CACNA2D3: variants seen among roughly 807,000 people sequenced by gnomAD.
The protein encoded by CACNA2D3 is calcium voltage-gated channel auxiliary subunit alpha2delta 3, also known as voltage-dependent calcium channel subunit alpha-2/delta-3.
Under a neutral mutation model 160.6 loss-of-function variants are expected in CACNA2D3, and 60 were observed. The observed-to-expected ratio is 0.37, with a 90% CI of 0.30 to 0.46. CACNA2D3 has a LOEUF of 0.46. Ranked by LOEUF, CACNA2D3 falls within the 20% of genes least tolerant of loss-of-function variation. The pLI, the probability that CACNA2D3 is intolerant of heterozygous loss-of-function variation, is 1.00. For synonymous variants in CACNA2D3, 558 were observed against 492.9 expected (o/e 1.13, Z -1.75); for missense variants, 1,205 against 1,365.0 (o/e 0.88, Z 1.85).
intron 18 of CACNA2D3, chr3:54,875,147 G>A (rs1306318493): frequency 1.3e-5 from 2 of 152,078 alleles, no homozygotes; most frequent in African/African-American, 2.4e-5. Flanking sequence ...TGAGACCTTA[G>A]TCCATTTATT....
chr3:54,780,551 T>C (rs1017809309), intron 13 of CACNA2D3, among the ~76,000 whole-genome samples: 6 of 152,168 alleles, frequency 3.9e-5, no homozygotes, highest in Non-Finnish European at 4.4e-5. Context: ...TCCAGAGAAA[T>C]TTGATACTGG....
intron 2 of CACNA2D3, among the ~76,000 whole-genome samples, chr3:54,221,102 A>G (rs1309837254): frequency 6.6e-6 from 1 of 152,204 alleles, no homozygotes; most frequent in African/African-American, 2.4e-5. Context: ...GCATTTCCGC[A>G]TTTCATTTTC....
chr3:54,535,032 A>G (rs1701866563), intron 5 of CACNA2D3, among the ~76,000 whole-genome samples: 1 of 152,228 alleles, frequency 6.6e-6, no homozygotes. Context: ...ATTTGCCACT[A>G]CTGAAATTGT....
At chr3:55,033,855 A>G (rs547481393) in intron 35 of CACNA2D3, among the ~76,000 whole-genome samples, 2,199 of 111,814 alleles carry the variant, frequency 0.02, 103 homozygotes, top group African/African-American at 0.071. Context: ...TACATATTAA[A>G]TATATTTAAT....
chr3:54,898,064 C>CTT lies in CACNA2D3; in HGVS notation c.2368+1194_2368+1195insTT, dbSNP rs1700231862. Among the ~76,000 whole-genome samples, 4 of 151,212 alleles carry CTT rather than the reference C, an allele frequency of 2.6e-5. 1 individual carries two copies. Among genetic ancestry groups the CTT allele is most frequent in the African/African-American group, 7.3e-5 (3 of 41,036 alleles). On this transcript the variant is annotated intron_variant, in intron 26 of 37. Transcript: ENST00000474759. The stretch of plus-strand genomic sequence containing the variant: ...TGTAAATTTCCAGGTGTCCGAAGCT[C>CTT]GCTTGCTTGCTTGCTTGCTTGCTTT...
chr3:54,575,389 TTCTTA>T (rs780922355), intron 8 of CACNA2D3, among the ~76,000 whole-genome samples: 1 of 152,320 alleles, frequency 6.6e-6, no homozygotes, highest in Admixed American at 6.5e-5. Flanking sequence ...GGGGTAGAGA[TTCTTA>T]TCTTATTTTT....
chr3:54,904,097 C>A (rs181610242), intron 27 of CACNA2D3, among the ~76,000 whole-genome samples: 1 of 152,214 alleles, frequency 6.6e-6, no homozygotes, highest in South Asian at 2.1e-4. Context: ...AGCCTTCGTG[C>A]TGTGTCATGT....
At chr3:54,740,519 A>T (rs1017446589) in intron 11 of CACNA2D3, among the ~76,000 whole-genome samples, 1 of 152,092 alleles carries the variant, frequency 6.6e-6, no homozygotes, top group African/African-American at 2.4e-5. Context: ...AGAGGTTGGT[A>T]TACAGAAAGT....
rs191853485 is a variant in CACNA2D3, at chr3:54,147,303, G to A, written c.204+23709G>A. ...GTAAGGACCTTGAGTGTCTAAGGCCGTCAGCTTGGCACAGAGGAAGCGTTG... is the reference window on the plus strand; with the variant it reads ...GTAAGGACCTTGAGTGTCTAAGGCCATCAGCTTGGCACAGAGGAAGCGTTG... On this transcript the variant is annotated intron_variant, in intron 2 of 37. Coordinates refer to ENST00000474759, the MANE Select transcript of CACNA2D3 (RefSeq NM_018398.3). Among the ~76,000 whole-genome samples the A allele has an allele frequency of 1.5e-3, 227 of 152,320 alleles. 2 individuals carry two copies. The highest frequency in any genetic ancestry group is 5.2e-3 in the African/African-American group (215 of 41,560).
intron 4 of CACNA2D3, among the ~76,000 whole-genome samples, chr3:54,443,197 G>A (rs1287361290): frequency 6.6e-6 from 1 of 152,146 alleles, no homozygotes; most frequent in Non-Finnish European, 1.5e-5. Flanking sequence ...ACATATAGTC[G>A]GGGGATATGG....
intron 18 of CACNA2D3, among the ~76,000 whole-genome samples, 157 bp downstream of exon 18, chr3:54,871,779 G>GTTT (rs3836393): frequency 0.29 from 43,934 of 152,054 alleles, 8,341 homozygotes; most frequent in East Asian, 0.67. Flanking sequence ...CATGTGTGGA[G>GTTT]TTTTATAACT....
chr3:54,626,184 C>T (rs1420856728), intron 9 of CACNA2D3: 2 of 734,768 alleles, frequency 2.7e-6, no homozygotes, highest in East Asian at 2.7e-5. Flanking sequence ...CAGGCGCGGA[C>T]CAGAGAGCTC....
chr3:54,927,931 T>C, intron 27 of CACNA2D3: 1 of 1,613,518 alleles, frequency 6.2e-7, no homozygotes, highest in Non-Finnish European at 8.5e-7. Context: ...TCCTTGGGCG[T>C]CCTTGCTGAC....
At chr3:54,836,987 C>G (rs2694105) in intron 14 of CACNA2D3, among the ~76,000 whole-genome samples, 172 bp from the exon 15 acceptor site, 19,683 of 152,228 alleles carry the variant, frequency 0.13, 1,398 homozygotes, top group South Asian at 0.2. Context: ...TGGGACTGTC[C>G]TCTGCAAATC....
rs75097307 is a variant in CACNA2D3, at chr3:54,138,361, G to C, written c.204+14767G>C. Among the ~76,000 whole-genome samples, 75 of 152,346 alleles carry C rather than the reference G, an allele frequency of 4.9e-4. 2 individuals are homozygous for C. In the East Asian group the frequency reaches 0.014, roughly 29 times the overall value. ...GGGAGGACATGTGAGAGAGAGCGGG[G>C]AGATTGGAAGAGGGCAGTCTGTGAA... On this transcript the variant is annotated intron_variant, in intron 2 of 37. Coordinates refer to ENST00000474759, the MANE Select transcript of CACNA2D3 (RefSeq NM_018398.3).
chr3:54,705,170 A>G (rs1700837126), intron 11 of CACNA2D3, among the ~76,000 whole-genome samples: 1 of 152,224 alleles, frequency 6.6e-6, no homozygotes, highest in Admixed American at 6.5e-5. Flanking sequence ...ATCTGGATTT[A>G]GCAAATATTC....
chr3:54,330,232 G>A (rs1011196679), intron 3 of CACNA2D3, among the ~76,000 whole-genome samples: 1 of 151,720 alleles, frequency 6.6e-6, no homozygotes, highest in Non-Finnish European at 1.5e-5. Flanking sequence ...GTGTGTGTGT[G>A]TGTGTGTGTG....
At chr3:54,925,740 A>G (rs930302128) in intron 27 of CACNA2D3, among the ~76,000 whole-genome samples, 1 of 152,234 alleles carries the variant, frequency 6.6e-6, no homozygotes, top group African/African-American at 2.4e-5. Context: ...TTGAGATGCA[A>G]CTACTGCAAC....
chr3:54,777,118 A>G (rs1306371762), intron 13 of CACNA2D3, among the ~76,000 whole-genome samples: 1 of 152,194 alleles, frequency 6.6e-6, no homozygotes, highest in Non-Finnish European at 1.5e-5. Flanking sequence ...TACTGTACAC[A>G]GGATTTTCTC....
Sources: gnomAD v4.1 joint callset for allele counts (sites outside exome capture counted in the v4.1 genomes callset) on GRCh38, gnomAD v4.1.1 for gene constraint, MANE v1.5 for transcripts, NCBI Gene and HGNC (gene_info 2026-07-23, HGNC 2026-07-21) for gene names.